The following CRHBP variants were observed in gnomAD, a reference collection of about 807,000 sequenced individuals.
CRHBP encodes corticotropin-releasing hormone-binding protein.
In CRHBP, 19 loss-of-function variants were observed where a neutral mutation model predicts 34.9. That is an observed-to-expected ratio of 0.55 (90% CI 0.38 to 0.80). The LOEUF (loss-of-function observed/expected upper bound fraction) is 0.80. Ranked by LOEUF, CRHBP falls within the 30% of genes least tolerant of loss-of-function variation. The pLI, the probability that CRHBP is intolerant of heterozygous loss-of-function variation, is 0.00. For missense variants in CRHBP, 328 were observed against 409.2 expected, an observed-to-expected ratio of 0.80 and a Z score of 1.71; for synonymous variants, 154 against 153.4, an observed-to-expected ratio of 1.00 and a Z score of -0.03.
At chr5:76,966,614 T>C (rs898019724) in intron 6 of CRHBP, among the ~76,000 whole-genome samples, 3 of 152,166 alleles carry the variant, frequency 2.0e-5, no homozygotes, top group Non-Finnish European at 2.9e-5. Context: ...TGTTTTCCTT[T>C]TGATCCAGCT....
At position 76,955,769 on chromosome 5, in the gene CRHBP, C is replaced by G. The variant is rs1745659167; in HGVS notation, c.450C>G (p.Ile150Met). ...FCESGLSRRSIRSSQNVAMIF... is the reference protein window; with the variant it reads ...FCESGLSRRSMRSSQNVAMIF... ...AGAGTGGTCTTAGCAGGAGGAGCATCAGATCTTCCCAGAATGTGGCCATGA... is the reference window on the plus strand; with the variant it reads ...AGAGTGGTCTTAGCAGGAGGAGCATGAGATCTTCCCAGAATGTGGCCATGA... The change falls in exon 4 of 7, where the codon ATC becomes ATG. Residue 150 changes from isoleucine (I) to methionine (M), a missense_variant. Ile to Met is a conservative substitution (Grantham distance 10). Coordinates refer to ENST00000274368, the MANE Select transcript of CRHBP (RefSeq NM_001882.4). The G allele has an allele frequency of 8.7e-6, 14 of 1,614,186 alleles. No homozygotes were observed. The highest frequency in any genetic ancestry group is 8.5e-6 in the Non-Finnish European group (10 of 1,180,032).
At chr5:76,957,772 GTTAAC>G (rs1429475561) in intron 4 of CRHBP, among the ~76,000 whole-genome samples, 10 of 152,200 alleles carry the variant, frequency 6.6e-5, no homozygotes, top group Non-Finnish European at 2.9e-5. Context: ...GCACCTTTTA[GTTAAC>G]TTATCACTTA....
chr5:76,960,772 G>GT (rs35214445), intron 5 of CRHBP, among the ~76,000 whole-genome samples: 42,070 of 148,140 alleles, frequency 0.28, 6,262 homozygotes, highest in African/African-American at 0.38. Flanking sequence ...TTTGTTTTTT[G>GT]TTTTTTTTTT....
chr5:76,966,848 C>T (rs536282903), intron 6 of CRHBP, among the ~76,000 whole-genome samples: 64 of 151,976 alleles, frequency 4.2e-4, no homozygotes, highest in African/African-American at 1.5e-3. Context: ...GGAATTAGTT[C>T]AAAATAATAA....
chr5:76,963,845 A>G (rs1745820185), intron 6 of CRHBP, among the ~76,000 whole-genome samples: 1 of 152,228 alleles, frequency 6.6e-6, no homozygotes, highest in African/African-American at 2.4e-5. Flanking sequence ...ATAATGAAAT[A>G]ACTGTTTTTT....
rs762946017 is a variant in CRHBP at position 76,979,436 on chromosome 5, C to T, written n.468-1525C>T. ...TGTGTTCTCGGCTCATTGCAACCTC[C>T]GCCTCCTGGGTTCAAGCAATTCTCC... On this transcript the variant is annotated intron_variant and non_coding_transcript_variant, in intron 3 of 3. Coordinates refer to the CRHBP transcript ENST00000514258. 1.8e-4 allele frequency among the ~76,000 whole-genome samples: 28 copies of T among 152,234 alleles called. No homozygotes were observed. In the East Asian group the frequency reaches 2.9e-3, roughly 16 times the overall value.
intron 4 of CRHBP, among the ~76,000 whole-genome samples, chr5:76,957,359 T>C (rs146015808): frequency 0.01 from 1,540 of 152,350 alleles, 13 homozygotes; most frequent in Middle Eastern, 0.041. Context: ...CTGATGCTTC[T>C]AGTTTCATAT....
chr5:76,975,861 T>TATAC lies in CRHBP; in HGVS notation n.312-503_312-502insTACA, dbSNP rs1554043517. ...ATATATATATACACGCATATATATA[T>TATAC]ACACACACATATACATGCATATATA... On this transcript the variant is annotated intron_variant and non_coding_transcript_variant, in intron 2 of 3. Coordinates refer to the CRHBP transcript ENST00000514258. 4.5e-3 allele frequency among the ~76,000 whole-genome samples: 486 copies of TATAC among 107,220 alleles called. 15 individuals are homozygous for TATAC. Among genetic ancestry groups the TATAC allele is most frequent in the African/African-American group, 0.018 (453 of 24,642 alleles). The allele number at this position is 107,220 out of a possible 152,430, so 70.3% of individuals were successfully genotyped here.
chr5:76,975,223 T>C (rs1460597721), intron 2 of CRHBP, among the ~76,000 whole-genome samples: 1 of 152,232 alleles, frequency 6.6e-6, no homozygotes, highest in Non-Finnish European at 1.5e-5. Context: ...AGCAGGTAGC[T>C]ACTGTGATTT....
downstream of CRHBP, among the ~76,000 whole-genome samples, chr5:76,973,084 G>A (rs1278038480): frequency 6.6e-6 from 1 of 152,162 alleles, no homozygotes; most frequent in Non-Finnish European, 1.5e-5. Context: ...TATTGACTAT[G>A]CATATCCACA....
At chr5:76,961,540 A>C in intron 5 of CRHBP, among the ~76,000 whole-genome samples, 1 of 152,212 alleles carries the variant, frequency 6.6e-6, no homozygotes. Flanking sequence ...CCCTGTATAC[A>C]GTGGGGCTAA....
chr5:76,980,768 A>C (rs964379034), intron 3 of CRHBP, among the ~76,000 whole-genome samples: 2 of 152,202 alleles, frequency 1.3e-5, no homozygotes, highest in African/African-American at 4.8e-5. Context: ...AGGGAAGGAG[A>C]ACATCTGATT....
intron 3 of CRHBP, among the ~76,000 whole-genome samples, chr5:76,977,601 T>G (rs527259929): frequency 9.2e-5 from 14 of 152,352 alleles, no homozygotes; most frequent in African/African-American, 3.4e-4. Flanking sequence ...GTGTTTTGAC[T>G]TCTCCGCCTA....
downstream of CRHBP, among the ~76,000 whole-genome samples, chr5:76,970,937 T>C (rs570312031): frequency 1.3e-5 from 2 of 152,302 alleles, no homozygotes; most frequent in South Asian, 4.1e-4. Context: ...ACAGGTTACA[T>C]TCTTTGAGAG....
At chr5:76,968,630 T>G in intron 6 of CRHBP, 98 bp from the exon 7 acceptor site, 1 of 1,265,496 alleles carries the variant, frequency 7.9e-7, no homozygotes. Context: ...AAGATAGGTC[T>G]CCTTGCTTTC....
chr5:76,966,525 G>A (rs1469508940), intron 6 of CRHBP, among the ~76,000 whole-genome samples: 2 of 152,150 alleles, frequency 1.3e-5, no homozygotes, highest in Admixed American at 6.5e-5. Flanking sequence ...GGGCTTGGGG[G>A]AGATGCGGTT....
In CRHBP at chr5:76,954,194, G is replaced by C. The variant is rs1361819311; in HGVS notation, c.333+8G>C. The C allele has an allele frequency of 6.2e-7, 1 of 1,610,626 alleles. No homozygotes were observed. Among genetic ancestry groups the C allele is most frequent in the South Asian group, 1.1e-5 (1 of 90,590 alleles). On this transcript the variant is annotated splice_region_variant and intron_variant, in intron 3 of 6. Coordinates refer to ENST00000274368, the MANE Select transcript of CRHBP (RefSeq NM_001882.4). ...GGCGGCGACTTCCTGAAGGTGAGGC[G>C]CCCACGGCCAGCCAACCTAGCCGGA...
chr5:76,976,796 C>T (rs568186342), intron 3 of CRHBP, among the ~76,000 whole-genome samples: 1 of 152,270 alleles, frequency 6.6e-6, no homozygotes, highest in East Asian at 1.9e-4. Flanking sequence ...AGCTGGCTCC[C>T]TTAATTGATG....
chr5:76,980,300 A>G (rs1746101509), intron 3 of CRHBP, among the ~76,000 whole-genome samples: 2 of 151,298 alleles, frequency 1.3e-5, no homozygotes, highest in Admixed American at 6.6e-5. Context: ...GCCAGGATTC[A>G]GACTTCAGTG....
Sources: gnomAD v4.1 joint callset for allele counts (sites outside exome capture counted in the v4.1 genomes callset) on GRCh38, gnomAD v4.1.1 for gene constraint, MANE v1.5 for transcripts, NCBI Gene and HGNC (gene_info 2026-07-23, HGNC 2026-07-21) for gene names.